ARHGAP44: variants seen among roughly 807,000 people sequenced by gnomAD.
ARHGAP44 encodes rho GTPase-activating protein 44.
A neutral mutation model predicts 106.8 loss-of-function variants in ARHGAP44; 43 were observed. The observed-to-expected ratio is 0.40, with a 90% CI of 0.32 to 0.52. ARHGAP44 has a LOEUF of 0.52. Among genes scored for constraint, ARHGAP44 ranks in the 20% least tolerant of loss-of-function variants. The pLI is 0.48. For missense variants in ARHGAP44, 866 were observed against 1,050.5 expected (o/e 0.82, Z 2.43); for synonymous variants, 439 against 410.3 (o/e 1.07, Z -0.85).
chr17:12,935,598 A>G (rs1322717079), intron 7 of ARHGAP44, among the ~76,000 whole-genome samples: 1 of 151,740 alleles, frequency 6.6e-6, no homozygotes, highest in African/African-American at 2.4e-5. Context: ...TCAAGGGAAT[A>G]TGGATTTTAG....
chr17:12,793,611 G>A (rs1458569844), intron 1 of ARHGAP44, among the ~76,000 whole-genome samples: 2 of 152,148 alleles, frequency 1.3e-5, no homozygotes, highest in Non-Finnish European at 2.9e-5. Flanking sequence ...GGGAGTCTGA[G>A]GCGGGAGAAT....
chr17:12,890,014 G>A (rs1287388384), intron 1 of ARHGAP44, among the ~76,000 whole-genome samples: 1 of 152,188 alleles, frequency 6.6e-6, no homozygotes, highest in African/African-American at 2.4e-5. Context: ...AAAGCCTTGG[G>A]CAGTCCTGTT....
At chr17:12,818,335 GAA>G (rs376432420) in intron 1 of ARHGAP44, among the ~76,000 whole-genome samples, 5 of 91,684 alleles carry the variant, frequency 5.5e-5, no homozygotes, top group East Asian at 5.9e-4. Flanking sequence ...ATCTGGAAAA[GAA>G]AAAAAAAAAA....
Position 12,900,787 on chromosome 17 carries a change from G to A in ARHGAP44, c.198+4276G>A, listed in dbSNP as rs1486307210. Among the ~76,000 whole-genome samples the A allele has an allele frequency of 2.6e-5, 4 of 152,046 alleles. No individual in the cohort carries two copies. The East Asian group carries it at 7.7e-4, about 29-fold the overall frequency. Reference sequence around the variant, plus strand: ...AAGTGCTTGCTAGGAATTAAATGGTGGGAGGTTTCCATAAGGAAGTGGCCG... The same window carrying A: ...AAGTGCTTGCTAGGAATTAAATGGTAGGAGGTTTCCATAAGGAAGTGGCCG... On this transcript the variant is annotated intron_variant, in intron 3 of 20. Transcript: ENST00000379672.
intron 13 of ARHGAP44, among the ~76,000 whole-genome samples, chr17:12,954,109 G>T (rs2039068160): frequency 6.6e-6 from 1 of 151,326 alleles, no homozygotes; most frequent in East Asian, 1.9e-4. Context: ...TGTTAGCCAG[G>T]CTGGTCTCAA....
chr17:12,844,889 A>G (rs2035519626), intron 1 of ARHGAP44, among the ~76,000 whole-genome samples: 1 of 152,004 alleles, frequency 6.6e-6, no homozygotes, highest in Non-Finnish European at 1.5e-5. Context: ...AAGAGATACT[A>G]TGCTGTTATC....
chr17:12,957,147 G>A (rs1055671287), intron 15 of ARHGAP44, among the ~76,000 whole-genome samples: 2 of 152,126 alleles, frequency 1.3e-5, no homozygotes, highest in South Asian at 2.1e-4. Flanking sequence ...TAGTAGAGAC[G>A]GGGTTTCTCC....
At chr17:12,868,554 AG>A (rs1478594709) in intron 1 of ARHGAP44, among the ~76,000 whole-genome samples, 2 of 143,856 alleles carry the variant, frequency 1.4e-5, no homozygotes, top group Non-Finnish European at 3.0e-5. Context: ...GAGGCTAAAA[AG>A]CCAAAAAGTC....
intron 1 of ARHGAP44, among the ~76,000 whole-genome samples, chr17:12,891,669 G>A (rs2150913351): frequency 1.3e-5 from 2 of 152,296 alleles, no homozygotes; most frequent in South Asian, 4.1e-4. Context: ...GTATAGTTGA[G>A]ATGGCTCTAG....
chr17:12,913,757 C>G (rs117437340), intron 4 of ARHGAP44, among the ~76,000 whole-genome samples: 7,942 of 150,262 alleles, frequency 0.053, 265 homozygotes, highest in Admixed American at 0.083. Flanking sequence ...TACCTGAGGT[C>G]CAGAGTTCAA....
At chr17:12,871,648 C>T (rs772574744) in intron 1 of ARHGAP44, among the ~76,000 whole-genome samples, 3 of 152,142 alleles carry the variant, frequency 2.0e-5, no homozygotes, top group Non-Finnish European at 2.9e-5. Flanking sequence ...CTAGGCCCCT[C>T]GTCCAACATT....
chr17:12,808,485 G>C (rs2034343900), intron 1 of ARHGAP44, among the ~76,000 whole-genome samples: 1 of 152,176 alleles, frequency 6.6e-6, no homozygotes, highest in Non-Finnish European at 1.5e-5. Flanking sequence ...CTTGACTTCT[G>C]TGCACCCACG....
chr17:12,944,603 A>G (rs560663949), intron 10 of ARHGAP44, among the ~76,000 whole-genome samples: 9 of 151,100 alleles, frequency 6.0e-5, no homozygotes, highest in African/African-American at 2.2e-4. Flanking sequence ...CTCCTGCCTC[A>G]GCCTCCCAAG....
At chr17:12,932,959 C>T (rs1242037937) in intron 7 of ARHGAP44, among the ~76,000 whole-genome samples, 2 of 152,144 alleles carry the variant, frequency 1.3e-5, no homozygotes, top group East Asian at 1.9e-4. Context: ...TAGTCTGTTA[C>T]ATCCATTTTA....
chr17:12,825,255 C>T (rs1484799840), intron 1 of ARHGAP44, among the ~76,000 whole-genome samples: 1 of 152,044 alleles, frequency 6.6e-6, no homozygotes, highest in Admixed American at 6.6e-5. Context: ...CCAGGCTGGT[C>T]TCGATCTCCT....
intron 1 of ARHGAP44, among the ~76,000 whole-genome samples, chr17:12,794,159 A>AGAG (rs1478739232): frequency 1.3e-5 from 2 of 152,198 alleles, no homozygotes; most frequent in East Asian, 3.9e-4. Flanking sequence ...CGAAAGGCAT[A>AGAG]GAGTATTTTT....
chr17:12,812,786 C>T lies in ARHGAP44; in HGVS notation c.53+22895C>T, dbSNP rs956724404. Among the ~76,000 whole-genome samples the T allele has an allele frequency of 5.3e-5, 8 of 152,332 alleles. No individual in the cohort carries two copies. The East Asian group carries it at 1.5e-3, about 29-fold the overall frequency. ...GGGAACAGGGAAGAGAAGCAGACTG[C>T]ATTTCTTACTGAATGCATGAGCTAC... On this transcript the variant is annotated intron_variant, in intron 1 of 20. Transcript: ENST00000379672.
intron 1 of ARHGAP44, among the ~76,000 whole-genome samples, chr17:12,852,741 C>T (rs2035792174): frequency 6.6e-6 from 1 of 152,022 alleles, no homozygotes; most frequent in African/African-American, 2.4e-5. Context: ...CGGGGTTTCA[C>T]CATGTTAGCC....
At chr17:12,988,137 C>T (rs895020475) in intron 20 of ARHGAP44, 1 of 152,230 alleles carries the variant, frequency 6.6e-6, no homozygotes, top group African/African-American at 2.4e-5. Context: ...GCTTCTGCCC[C>T]TGAATCCCAT....
Sources: gnomAD v4.1 joint callset for allele counts (sites outside exome capture counted in the v4.1 genomes callset) on GRCh38, gnomAD v4.1.1 for gene constraint, MANE v1.5 for transcripts, NCBI Gene and HGNC (gene_info 2026-07-23, HGNC 2026-07-21) for gene names.